EPB41L4A: variants seen among roughly 807,000 people sequenced by gnomAD.
EPB41L4A encodes erythrocyte membrane protein band 4.1 like 4A, also known as band 4.1-like protein 4A.
A neutral mutation model predicts 108.6 loss-of-function variants in EPB41L4A; 100 were observed. That is an observed-to-expected ratio of 0.92 (90% confidence interval 0.78 to 1.09). EPB41L4A has a LOEUF of 1.09. Ranked by LOEUF, EPB41L4A falls within the 50% of genes least tolerant of loss-of-function variation. EPB41L4A has a pLI of 0.00. For synonymous variants in EPB41L4A, 319 were observed against 289.0 expected, an observed-to-expected ratio of 1.10 and a Z score of -1.05; for missense variants, 1,030 against 842.7, an observed-to-expected ratio of 1.22 and a Z score of -2.75.
chr5:112,331,533 T>A (rs552765306), intron 1 of EPB41L4A, among the ~76,000 whole-genome samples: 5 of 152,208 alleles, frequency 3.3e-5, no homozygotes, highest in Admixed American at 3.3e-4. Context: ...ACTTTGTATA[T>A]AGCATTGTCT....
chr5:112,288,987 G>C (rs114610719), intron 2 of EPB41L4A, among the ~76,000 whole-genome samples: 6 of 152,120 alleles, frequency 3.9e-5, no homozygotes, highest in South Asian at 2.1e-4. Context: ...AGGGATAAGT[G>C]CATTTTATAT....
chr5:112,209,964 CTACTGATGCTGTTT>C lies in EPB41L4A; in HGVS notation c.1092_1105del (p.Asn365AspfsTer11). On this transcript the variant is annotated frameshift_variant, in exon 13 of 23. Coordinates refer to ENST00000261486, the MANE Select transcript of EPB41L4A (RefSeq NM_022140.5). LOFTEE classifies it high-confidence loss of function. Reference sequence around the variant, plus strand: ...TCCATTTTCCATGTTTGCAGTTATCCTACTGATGCTGTTTGATTCTAGCAGAGGAGGAGAAGGAA... The same window carrying C: ...TCCATTTTCCATGTTTGCAGTTATCCGATTCTAGCAGAGGAGGAGAAGGAA... 6.3e-7 allele frequency: 1 copy of C among 1,598,914 alleles called. No homozygotes were observed. Among genetic ancestry groups the C allele is most frequent in the South Asian group, 1.1e-5 (1 of 90,374 alleles).
chr5:112,201,617 C>G (rs536231086), intron 15 of EPB41L4A, among the ~76,000 whole-genome samples: 31 of 152,286 alleles, frequency 2.0e-4, no homozygotes, highest in Middle Eastern at 3.4e-3. Context: ...CTATAAAACT[C>G]TATCTACGAA....
intron 15 of EPB41L4A, among the ~76,000 whole-genome samples, chr5:112,197,410 T>C (rs1174377471): frequency 6.6e-6 from 1 of 152,206 alleles, no homozygotes; most frequent in East Asian, 1.9e-4. Flanking sequence ...CAGCAATATG[T>C]GGTCTCTGTT....
At chr5:112,158,785 A>G (rs1415983812), downstream of EPB41L4A, among the ~76,000 whole-genome samples, 3 of 152,158 alleles carry the variant, frequency 2.0e-5, no homozygotes, top group African/African-American at 7.2e-5. Flanking sequence ...AACCAACCCT[A>G]TGATTCAATT....
chr5:112,186,577 A>G (rs1411526990), intron 17 of EPB41L4A, among the ~76,000 whole-genome samples: 2 of 152,252 alleles, frequency 1.3e-5, no homozygotes, highest in Admixed American at 6.5e-5. Flanking sequence ...CATGTTTCAA[A>G]GACAGATGCC....
In EPB41L4A at chr5:112,319,263, A is replaced by C. The variant is rs193061716; in HGVS notation, c.100-11773T>G. ...TAATCAAATTTGGGACAATCTGAAC[A>C]ACAACAAAAAAAATGATAGTGTCAG... On this transcript the variant is annotated intron_variant, in intron 1 of 22. Coordinates refer to ENST00000261486, the MANE Select transcript of EPB41L4A (RefSeq NM_022140.5). Among the ~76,000 whole-genome samples the C allele has an allele frequency of 1.6e-3, 242 of 151,832 alleles. 3 individuals carry two copies. Among genetic ancestry groups the C allele is most frequent in the African/African-American group, 5.6e-3 (234 of 41,540 alleles).
intron 17 of EPB41L4A, among the ~76,000 whole-genome samples, chr5:112,193,553 G>A (rs1167403231): frequency 1.3e-5 from 2 of 152,134 alleles, no homozygotes; most frequent in African/African-American, 4.8e-5. Context: ...TGCCTGCCTT[G>A]GCCTCCCAAA....
chr5:112,318,542 T>A (rs1322825754), intron 1 of EPB41L4A, among the ~76,000 whole-genome samples: 1 of 152,084 alleles, frequency 6.6e-6, no homozygotes, highest in Non-Finnish European at 1.5e-5. Flanking sequence ...ATGAACACAT[T>A]TTTGGCCCTC....
At chr5:112,404,881 A>G (rs1163363558) in intron 1 of EPB41L4A, among the ~76,000 whole-genome samples, 1 of 152,038 alleles carries the variant, frequency 6.6e-6, no homozygotes, top group Non-Finnish European at 1.5e-5. Flanking sequence ...CTACCTCTCC[A>G]TGCTGCATGG....
intron 1 of EPB41L4A, among the ~76,000 whole-genome samples, chr5:112,339,488 ATATATATC>A (rs1227779080): frequency 0.011 from 549 of 51,932 alleles, 4 homozygotes; most frequent in Middle Eastern, 0.034. Flanking sequence ...ATATATATAT[ATATATATC>A]TATATATATA....
At chr5:112,269,241 T>A (rs74393650) in intron 4 of EPB41L4A, among the ~76,000 whole-genome samples, 26 of 152,092 alleles carry the variant, frequency 1.7e-4, no homozygotes, top group Admixed American at 5.2e-4. Flanking sequence ...TTTAAAGATA[T>A]CACAGATCTT....
At chr5:112,414,685 G>A (rs942542962) in intron 1 of EPB41L4A, among the ~76,000 whole-genome samples, 1 of 152,206 alleles carries the variant, frequency 6.6e-6, no homozygotes, top group Non-Finnish European at 1.5e-5. Flanking sequence ...AACCAACAAT[G>A]CTTTCCCCCT....
chr5:112,285,677 T>C (rs781422657), intron 2 of EPB41L4A, among the ~76,000 whole-genome samples: 16 of 152,158 alleles, frequency 1.1e-4, no homozygotes, highest in Admixed American at 2.0e-4. Context: ...TCAAGAAATC[T>C]CTGATGGACC....
At chr5:112,344,884 C>T (rs1444734289) in intron 1 of EPB41L4A, among the ~76,000 whole-genome samples, 1 of 152,204 alleles carries the variant, frequency 6.6e-6, no homozygotes, top group Non-Finnish European at 1.5e-5. Context: ...GACTGGAGTG[C>T]TTGACTTTTA....
chr5:112,278,842 G>A (rs1752775528), intron 3 of EPB41L4A, among the ~76,000 whole-genome samples: 6 of 150,270 alleles, frequency 4.0e-5, no homozygotes, highest in Admixed American at 4.0e-4. Flanking sequence ...ATCACCTGAG[G>A]TCAGGAATTC....
intron 12 of EPB41L4A, among the ~76,000 whole-genome samples, chr5:112,215,455 T>C (rs796519825): frequency 2.6e-5 from 4 of 152,226 alleles, no homozygotes; most frequent in African/African-American, 9.6e-5. Context: ...ATTTTACATA[T>C]TGTTCACATT....
intron 4 of EPB41L4A, among the ~76,000 whole-genome samples, chr5:112,273,191 T>A (rs1014625136): frequency 1.4e-4 from 22 of 152,244 alleles, no homozygotes; most frequent in Non-Finnish European, 2.2e-4. Context: ...TAAACGCACA[T>A]TTAACTTACC....
chr5:112,265,243 T>G (rs1751767683), intron 5 of EPB41L4A, among the ~76,000 whole-genome samples: 2 of 152,230 alleles, frequency 1.3e-5, no homozygotes, highest in Admixed American at 6.5e-5. Flanking sequence ...CATTCCCAAA[T>G]ACTATAATTA....
Sources: gnomAD v4.1 joint callset for allele counts (sites outside exome capture counted in the v4.1 genomes callset) on GRCh38, gnomAD v4.1.1 for gene constraint, MANE v1.5 for transcripts, NCBI Gene and HGNC (gene_info 2026-07-23, HGNC 2026-07-21) for gene names.